Variants in KATNIP observed in about 807,000 individuals in gnomAD.
KATNIP encodes katanin interacting protein, also known as katanin-interacting protein.
KATNIP carries 126 observed loss-of-function variants against 174.0 expected under a neutral mutation model. The observed-to-expected ratio is 0.72, with a 90% CI of 0.63 to 0.84. The LOEUF is 0.84. KATNIP is among the 40% of genes least tolerant of loss of function. KATNIP has a pLI of 0.00. For missense variants in KATNIP, 1,958 were observed against 2,109.7 expected (o/e 0.93, Z 1.41); for synonymous variants, 810 against 835.7 (o/e 0.97, Z 0.53).
chr16:27,670,116 T>G (rs2077842292), intron 6 of KATNIP, among the ~76,000 whole-genome samples: 1 of 152,242 alleles, frequency 6.6e-6, no homozygotes, highest in African/African-American at 2.4e-5. Flanking sequence ...ATATTATTTC[T>G]TAAAATAGCC....
At chr16:27,771,917 G>A (rs1234972365) in intron 22 of KATNIP, among the ~76,000 whole-genome samples, 1 of 152,180 alleles carries the variant, frequency 6.6e-6, no homozygotes, top group Non-Finnish European at 1.5e-5. Flanking sequence ...AGCTGGCACT[G>A]ACCCCAGTGG....
chr16:27,749,100 A>G (rs1007021663), intron 15 of KATNIP, among the ~76,000 whole-genome samples: 2 of 152,218 alleles, frequency 1.3e-5, no homozygotes, highest in Admixed American at 1.3e-4. Flanking sequence ...CTCAGGCAGC[A>G]GCATTGCCCC....
intron 3 of KATNIP, 83 bp downstream of exon 3, chr16:27,618,584 C>A: frequency 3.1e-6 from 3 of 957,892 alleles, no homozygotes; most frequent in Non-Finnish European, 5.0e-6. Flanking sequence ...GCAGGCCCTG[C>A]CTCACATAGG....
chr16:27,663,178 G>A (rs1225731160), intron 6 of KATNIP, among the ~76,000 whole-genome samples: 2 of 74,070 alleles, frequency 2.7e-5, no homozygotes, highest in Admixed American at 1.7e-4. Context: ...TTTTTTTTTA[G>A]GTAGAGAAGA....
chr16:27,613,636 A>G (rs1383822234), intron 2 of KATNIP, among the ~76,000 whole-genome samples: 1 of 152,186 alleles, frequency 6.6e-6, no homozygotes, highest in African/African-American at 2.4e-5. Flanking sequence ...TGTGTCTTAA[A>G]TGGGGTAATA....
intron 13 of KATNIP, among the ~76,000 whole-genome samples, chr16:27,720,794 G>A (rs975616313): frequency 2.0e-5 from 3 of 152,188 alleles, no homozygotes; most frequent in Non-Finnish European, 4.4e-5. Context: ...CAGCGTGGAC[G>A]CGTTTGGGAG....
chr16:27,589,398 T>C (rs1363804909), intron 2 of KATNIP, among the ~76,000 whole-genome samples: 1 of 152,218 alleles, frequency 6.6e-6, no homozygotes, highest in African/African-American at 2.4e-5. Context: ...AAAGCAGCCA[T>C]AGTCAATATG....
In KATNIP at chr16:27,677,820, T is replaced by C. The variant is rs778678996; in HGVS notation, c.632T>C (p.Ile211Thr). 6.2e-7 allele frequency: 1 copy of C among 1,614,186 alleles called. No homozygotes were observed. Among genetic ancestry groups the C allele is most frequent in the Non-Finnish European group, 8.5e-7 (1 of 1,180,032 alleles). Residue 211 changes from isoleucine to threonine, a missense_variant, in exon 7 of 28, where the codon ATA becomes ACA. Around this residue, in one of 3 missense-constraint regions of KATNIP, gnomAD observed 1,557 missense variants for 1,617.8 expected, o/e 0.96. Coordinates refer to ENST00000261588, the MANE Select transcript of KATNIP (RefSeq NM_015202.5). Reference sequence around the variant, plus strand: ...GAGTATGACTCTATTGAGGAAGACATACTCTCTGAGCCTGAGCCAGAGGAC... The same window carrying C: ...GAGTATGACTCTATTGAGGAAGACACACTCTCTGAGCCTGAGCCAGAGGAC... ...SDEYDSIEED[I>T]LSEPEPEDPA...
chr16:27,607,394 G>A (rs894381918), intron 2 of KATNIP, among the ~76,000 whole-genome samples: 6 of 152,080 alleles, frequency 3.9e-5, no homozygotes, highest in East Asian at 1.9e-4. Flanking sequence ...GGATTGCTGC[G>A]TGCGTTAAAT....
chr16:27,764,011 A>G (rs147324346), intron 19 of KATNIP, among the ~76,000 whole-genome samples: 1 of 152,330 alleles, frequency 6.6e-6, no homozygotes, highest in African/African-American at 2.4e-5. Flanking sequence ...ACAGAATAGA[A>G]TGTCTGGTTG....
chr16:27,773,229 A>G lies in KATNIP; in HGVS notation c.4309+20A>G, dbSNP rs1435035701. Reference sequence around the variant, plus strand: ...AAAACAGTATCCTTTGTAGGACAGGAGTGGGCTCCACCCAGACTGAAGGGA... The same window carrying G: ...AAAACAGTATCCTTTGTAGGACAGGGGTGGGCTCCACCCAGACTGAAGGGA... On this transcript the variant is annotated intron_variant, in intron 23 of 27. Coordinates refer to ENST00000261588, the MANE Select transcript of KATNIP (RefSeq NM_015202.5). 1 of 1,525,052 alleles carries G rather than the reference A, an allele frequency of 6.6e-7. No homozygotes were observed. Among genetic ancestry groups the G allele is most frequent in the Non-Finnish European group, 9.0e-7 (1 of 1,106,408 alleles). 94.5% of individuals were successfully genotyped at this position (1,525,052 alleles called of 1,614,324 possible).
At chr16:27,709,565 G>A (rs936077667) in intron 13 of KATNIP, among the ~76,000 whole-genome samples, 1 of 152,230 alleles carries the variant, frequency 6.6e-6, no homozygotes, top group Non-Finnish European at 1.5e-5. Flanking sequence ...AGAGGTTACA[G>A]TAAGCCGAGA....
chr16:27,634,920 C>G (rs1032721237), intron 5 of KATNIP, among the ~76,000 whole-genome samples: 1 of 152,104 alleles, frequency 6.6e-6, no homozygotes, highest in Admixed American at 6.6e-5. Context: ...ATCTGTCTCC[C>G]GGAGGAGTTT....
At chr16:27,769,738 G>T in intron 20 of KATNIP, 123 bp from the exon 21 acceptor site, 1 of 1,157,676 alleles carries the variant, frequency 8.6e-7, no homozygotes. Context: ...ACCTCGGTCA[G>T]GTGGCTCTGC....
At chr16:27,714,253 G>A (rs2079823517) in intron 13 of KATNIP, among the ~76,000 whole-genome samples, 1 of 151,998 alleles carries the variant, frequency 6.6e-6, no homozygotes, top group Admixed American at 6.6e-5. Context: ...ACATCTCACT[G>A]TAAGAAATGA....
rs1251207362 is a variant in KATNIP, at chr16:27,721,685, C to T, written c.1733C>T (p.Thr578Ile). Residue 578 changes from threonine (T) to isoleucine (I), a missense_variant, in exon 14 of 28, where the codon ACA becomes ATA. Transcript: ENST00000261588. The part of the protein sequence containing the change: ...LAKIKVRNYW[T>I]ADGDLDIGAK... The stretch of plus-strand genomic sequence containing the variant: ...AAGATCAAGGTTCGGAATTACTGGA[C>T]AGCTGATGGCGTAAGTAACAGGCGC... 6.2e-7 allele frequency: 1 copy of T among 1,614,026 alleles called. No individual in the cohort carries two copies. The highest frequency in any genetic ancestry group is 1.1e-5 in the South Asian group (1 of 91,086).
chr16:27,613,408 A>T (rs2075953955), intron 2 of KATNIP, among the ~76,000 whole-genome samples: 1 of 152,206 alleles, frequency 6.6e-6, no homozygotes, highest in African/African-American at 2.4e-5. Context: ...CTGGCAAAGG[A>T]GGATCGATGC....
At chr16:27,585,530 A>G (rs1222708888) in intron 2 of KATNIP, among the ~76,000 whole-genome samples, 1 of 152,220 alleles carries the variant, frequency 6.6e-6, no homozygotes, top group African/African-American at 2.4e-5. Context: ...CTCAGTGTCC[A>G]ACAGACACAC....
chr16:27,696,993 C>T (rs1196867926), intron 8 of KATNIP, among the ~76,000 whole-genome samples: 4 of 152,016 alleles, frequency 2.6e-5, no homozygotes, highest in South Asian at 2.1e-4. Context: ...CCTCCCAAAG[C>T]GCTGAGATTA....
Sources: gnomAD v4.1 joint callset for allele counts (sites outside exome capture counted in the v4.1 genomes callset) on GRCh38, gnomAD v4.1.1 for gene constraint, gnomAD v4.1.1 regional missense constraint, MANE v1.5 for transcripts, NCBI Gene and HGNC (gene_info 2026-07-23, HGNC 2026-07-21) for gene names.